GLI3: variants seen among roughly 807,000 people sequenced by gnomAD.
The protein encoded by GLI3 is GLI family zinc finger 3, also known as transcription activator GLI3.
A neutral mutation model predicts 100.8 loss-of-function variants in GLI3; 20 were observed. The ratio of observed to expected loss-of-function variants is 0.20; its 90% CI spans 0.14 to 0.29. The LOEUF is 0.29. Among genes scored for constraint, GLI3 ranks in the 10% least tolerant of loss-of-function variants. The pLI is 1.00. For missense variants in GLI3, 2,040 were observed against 2,128.5 expected, an observed-to-expected ratio of 0.96 and a Z score of 0.82; for synonymous variants, 938 against 860.5, an observed-to-expected ratio of 1.09 and a Z score of -1.58.
chr7:42,182,670 ATATATATATATACACATGTGTG>A lies in GLI3; in HGVS notation c.125-34224_125-34203del, dbSNP rs1385637440. 6.7e-4 allele frequency among the ~76,000 whole-genome samples: 49 copies of A among 73,338 alleles called. 1 individual carries two copies. Among genetic ancestry groups the A allele is most frequent in the Middle Eastern group, 6.7e-3 (1 of 150 alleles). The allele number at this position is 73,338 out of a possible 152,430, so 48.1% of individuals were successfully genotyped here. A position where few individuals can be genotyped will look rare whatever the true frequency, so the allele number is the denominator to read the frequency against. On this transcript the variant is annotated intron_variant, in intron 2 of 14. Coordinates refer to ENST00000395925, the MANE Select transcript of GLI3 (RefSeq NM_000168.6). The stretch of plus-strand genomic sequence containing the variant: ...TATATATATATATATATATATATAT[ATATATATATATACACATGTGTG>A]TATATATATATACACACATATAAAT...
chr7:42,041,824 C>A (rs974457836), intron 6 of GLI3, among the ~76,000 whole-genome samples: 1 of 151,770 alleles, frequency 6.6e-6, no homozygotes, highest in Non-Finnish European at 1.5e-5. Context: ...AAAAAAAATC[C>A]ACAAACTGAA....
At chr7:42,058,582 T>C (rs895512263) in intron 4 of GLI3, among the ~76,000 whole-genome samples, 1 of 152,200 alleles carries the variant, frequency 6.6e-6, no homozygotes, top group African/African-American at 2.4e-5. Flanking sequence ...ACAAAAATAG[T>C]CTAGCTGACA....
At chr7:42,029,222 G>A (rs1583808671) in intron 7 of GLI3, among the ~76,000 whole-genome samples, 1 of 152,204 alleles carries the variant, frequency 6.6e-6, no homozygotes, top group Non-Finnish European at 1.5e-5. Context: ...TCCTGCCAGG[G>A]ACTGTGCGCA....
chr7:42,239,423 T>G (rs944768109), upstream of GLI3, among the ~76,000 whole-genome samples: 3 of 151,972 alleles, frequency 2.0e-5, no homozygotes, highest in Admixed American at 6.6e-5. Context: ...GCTTTTACAA[T>G]TGAAGAGAAT....
chr7:42,054,538 G>GT (rs1562705883), intron 4 of GLI3, among the ~76,000 whole-genome samples: 1 of 151,990 alleles, frequency 6.6e-6, no homozygotes, highest in Admixed American at 6.6e-5. Flanking sequence ...CTTATTTTTT[G>GT]TTTTTTTAAA....
chr7:42,023,726 A>C, intron 9 of GLI3, 118 bp from the exon 10 acceptor site: 1 of 822,224 alleles, frequency 1.2e-6, no homozygotes, highest in Non-Finnish European at 2.1e-6. Context: ...GGGTTTTGTG[A>C]AGTGAAGAAG....
chr7:42,081,639 G>C (rs372552942), intron 3 of GLI3, among the ~76,000 whole-genome samples: 1 of 152,144 alleles, frequency 6.6e-6, no homozygotes, highest in South Asian at 2.1e-4. Flanking sequence ...AACCGAGAAA[G>C]ACACTTGGAG....
intron 3 of GLI3, among the ~76,000 whole-genome samples, chr7:42,080,945 A>G (rs979898220): frequency 6.6e-6 from 1 of 152,192 alleles, no homozygotes; most frequent in African/African-American, 2.4e-5. Context: ...GCTGTGACGC[A>G]TCATAACTCA....
rs373789617 is a variant in GLI3 at position 41,964,433 on chromosome 7, A to T, written c.4640T>A (p.Phe1547Tyr). Residue 1547 changes from phenylalanine to tyrosine, a missense_variant, in exon 15 of 15, where the codon TTC (phenylalanine) becomes TAC (tyrosine). Around this residue, in one of 5 missense-constraint regions of GLI3, gnomAD observed 1,041 missense variants for 924.0 expected, o/e 1.13. Transcript: ENST00000395925. ...GGTGGTGCTCATGGACAGCGCTGGG[A>T]ATGGGAGGGACGCCCGAGGCGTGGT... Reference protein sequence around the residue: ...RLTTPRASLPFPALSMSTTNM... With the variant: ...RLTTPRASLPYPALSMSTTNM... 84 of 1,613,954 alleles carry T rather than the reference A, an allele frequency of 5.2e-5. No individual in the cohort carries two copies. Among genetic ancestry groups the T allele is most frequent in the Middle Eastern group, 4.9e-4 (3 of 6,084 alleles).
At position 42,236,511 on chromosome 7, in the gene GLI3, C is replaced by G. The variant is rs531579464; in HGVS notation, c.-43+460G>C. ...GGCGGCGGCCCCCGCGGCGGAGGTC[C>G]CCGCGCGCACCCACCATGCCTCCCG... is the stretch of plus-strand genomic sequence containing the variant. On this transcript the variant is annotated intron_variant, in intron 1 of 14. Coordinates refer to ENST00000395925, the MANE Select transcript of GLI3 (RefSeq NM_000168.6). Among the ~76,000 whole-genome samples, 421 of 152,276 alleles carry G rather than the reference C, an allele frequency of 2.8e-3. 3 individuals carry two copies. The highest frequency in any genetic ancestry group is 4.5e-3 in the Non-Finnish European group (304 of 68,008).
rs1788522679 is a variant in GLI3, at chr7:42,223,277, C to G, written c.-24G>C. On this transcript the variant is annotated 5_prime_UTR_variant, in exon 2 of 15. Coordinates refer to ENST00000395925, the MANE Select transcript of GLI3 (RefSeq NM_000168.6). ...ATGATGTCTTCTCATTACTTCAGCT[C>G]TCTTCGACCAAAAATGCCCTAAAGA... 1 of 1,609,038 alleles carries G rather than the reference C, an allele frequency of 6.2e-7. No individual in the cohort carries two copies. Among genetic ancestry groups the G allele is most frequent in the Non-Finnish European group, 8.5e-7 (1 of 1,176,700 alleles).
Position 41,967,583 on chromosome 7 carries a change from A to T in GLI3, c.2431+13T>A. On this transcript the variant is annotated intron_variant, in intron 14 of 14. Transcript: ENST00000395925. Reference sequence around the variant, plus strand: ...AAACCCTGAGCAGATGCATGGTCTGATGTAGAACTCACCATTTCCTATGAG... The same window carrying T: ...AAACCCTGAGCAGATGCATGGTCTGTTGTAGAACTCACCATTTCCTATGAG... 6.3e-7 allele frequency: 1 copy of T among 1,584,234 alleles called. No individual in the cohort carries two copies. Among genetic ancestry groups the T allele is most frequent in the Non-Finnish European group, 8.7e-7 (1 of 1,153,764 alleles).
chr7:42,158,951 C>T (rs1787068242), intron 2 of GLI3, among the ~76,000 whole-genome samples: 1 of 152,172 alleles, frequency 6.6e-6, no homozygotes, highest in Admixed American at 6.5e-5. Context: ...TCTCATTCTA[C>T]TTCTGTTGTC....
intron 10 of GLI3, among the ~76,000 whole-genome samples, chr7:41,982,532 G>A (rs552854008): frequency 2.0e-5 from 3 of 151,788 alleles, no homozygotes; most frequent in Non-Finnish European, 4.4e-5. Context: ...GCAACACAGC[G>A]AGACCCCATG....
chr7:42,148,556 T>C (rs750335371), intron 2 of GLI3, 88 bp from the exon 3 acceptor site: 32 of 1,219,570 alleles, frequency 2.6e-5, no homozygotes, highest in Non-Finnish European at 3.7e-5. Context: ...ATTCTCGATA[T>C]CCCTCTCCCG....
chr7:42,152,549 ATTCT>A, intron 2 of GLI3: 1 of 343,950 alleles, frequency 2.9e-6, no homozygotes, highest in Non-Finnish European at 4.1e-6. Flanking sequence ...GCTCATTAGT[ATTCT>A]TTCTGAGTGC....
intron 2 of GLI3, among the ~76,000 whole-genome samples, chr7:42,153,000 C>T (rs376154025): frequency 4.6e-5 from 7 of 152,144 alleles, no homozygotes; most frequent in South Asian, 2.1e-4. Context: ...CTCAATGGAC[C>T]GAGTGAAACA....
chr7:42,025,454 C>A, intron 8 of GLI3, 77 bp from the exon 9 acceptor site: 1 of 1,019,558 alleles, frequency 9.8e-7, no homozygotes, highest in Non-Finnish European at 1.5e-6. Context: ...AAAACCTTGC[C>A]AACTCGGGAC....
chr7:42,038,833 G>T (rs1029849395), intron 7 of GLI3, among the ~76,000 whole-genome samples: 22 of 152,206 alleles, frequency 1.4e-4, no homozygotes, highest in African/African-American at 5.3e-4. Flanking sequence ...TTTACTAAAT[G>T]TGGGTATCTT....
Sources: allele counts gnomAD v4.1 joint callset (sites outside exome capture counted in the v4.1 genomes callset), GRCh38; gene constraint gnomAD v4.1.1; regional missense constraint gnomAD v4.1.1; transcripts MANE v1.5; gene names NCBI Gene and HGNC (gene_info 2026-07-23, HGNC 2026-07-21).